Variants in ESRP1 observed in about 807,000 individuals in gnomAD.
ESRP1 encodes epithelial splicing regulatory protein 1.
In ESRP1, 33 loss-of-function variants were observed where a neutral mutation model predicts 81.7. That is an observed-to-expected ratio of 0.40 (90% CI 0.31 to 0.54). The LOEUF (loss-of-function observed/expected upper bound fraction) is 0.54, where lower values mean the gene tolerates loss of function less well. Among genes scored for constraint, ESRP1 ranks in the 20% least tolerant of loss-of-function variants. The pLI is 0.41. For synonymous variants in ESRP1, 320 were observed against 303.3 expected (o/e 1.06, Z -0.57); for missense variants, 672 against 833.1 (o/e 0.81, Z 2.38).
rs926215092 is a variant in ESRP1 at position 94,706,749 on chromosome 8, A to G, written c.*860A>G. Reference sequence around the variant, plus strand: ...TTTGGACTTTAATAAGAGAAATTCCATAGTTTTTAATATCCCAGAAGTGAG... The same window carrying G: ...TTTGGACTTTAATAAGAGAAATTCCGTAGTTTTTAATATCCCAGAAGTGAG... On this transcript the variant is annotated 3_prime_UTR_variant, in exon 16 of 16. Transcript: ENST00000433389. 2 of 152,500 alleles carry G rather than the reference A, an allele frequency of 1.3e-5. No individual in the cohort carries two copies. Among genetic ancestry groups the G allele is most frequent in the African/African-American group, 2.4e-5 (1 of 41,576 alleles). 9.4% of individuals were successfully genotyped at this position (152,500 alleles called of 1,614,324 possible).
chr8:94,655,662 T>C (rs1017266371), intron 4 of ESRP1, among the ~76,000 whole-genome samples: 8 of 151,888 alleles, frequency 5.3e-5, no homozygotes, highest in African/African-American at 1.7e-4. Flanking sequence ...GAGGCTCAGG[T>C]GGGCAGATCA....
rs1318853681 is a variant in ESRP1 at position 94,690,297 on chromosome 8, TTTTTTTTG to T, written c.1821-2379_1821-2372del. Among the ~76,000 whole-genome samples the T allele has an allele frequency of 7.1e-3, 738 of 103,934 alleles. 4 individuals are homozygous for T. The highest frequency in any genetic ancestry group is 0.025 in the African/African-American group (685 of 27,264). The allele number at this position is 103,934 out of a possible 152,430, so 68.2% of individuals were successfully genotyped here. A position where few individuals can be genotyped will look rare whatever the true frequency, so the allele number is the denominator to read the frequency against. On this transcript the variant is annotated intron_variant, in intron 13 of 15. Coordinates refer to ENST00000433389, the MANE Select transcript of ESRP1 (RefSeq NM_017697.4). ...GCTAATTTTTTTTTTTTTTTTTTTT[TTTTTTTTG>T]GATTTTTAGTGGAGATGGGATTTCA...
chr8:94,643,713 A>G (rs112913889), intron 3 of ESRP1, among the ~76,000 whole-genome samples: 5 of 150,240 alleles, frequency 3.3e-5, no homozygotes, highest in African/African-American at 1.2e-4. Flanking sequence ...GACTTAAAAT[A>G]GTCTCTTTGT....
At chr8:94,647,964 G>A (rs1398480805) in intron 4 of ESRP1, among the ~76,000 whole-genome samples, 3 of 151,996 alleles carry the variant, frequency 2.0e-5, no homozygotes, top group African/African-American at 2.4e-5. Flanking sequence ...GCATTATTGC[G>A]AGAACCCATC....
chr8:94,693,380 T>C (rs955000121), intron 14 of ESRP1, among the ~76,000 whole-genome samples: 2 of 152,232 alleles, frequency 1.3e-5, no homozygotes, highest in African/African-American at 4.8e-5. Flanking sequence ...GACTAATGTT[T>C]GCTCTTGGCA....
chr8:94,706,167 G>A lies in ESRP1; in HGVS notation c.*278G>A. On this transcript the variant is annotated 3_prime_UTR_variant, in exon 16 of 16. Transcript: ENST00000433389. Reference sequence around the variant, plus strand: ...CTGATTGCAAATAGGCATTTAAAATGTGAATTTGGAATCAGATGTCTCCAT... The same window carrying A: ...CTGATTGCAAATAGGCATTTAAAATATGAATTTGGAATCAGATGTCTCCAT... The A allele has an allele frequency of 5.9e-6, 3 of 510,468 alleles. No homozygotes were observed. Among genetic ancestry groups the A allele is most frequent in the Non-Finnish European group, 1.0e-5 (3 of 290,950 alleles). 31.6% of individuals were successfully genotyped at this position (510,468 alleles called of 1,614,324 possible).
At chr8:94,704,015 CA>C (rs1402967866) in intron 15 of ESRP1, among the ~76,000 whole-genome samples, 1 of 152,184 alleles carries the variant, frequency 6.6e-6, no homozygotes, top group African/African-American at 2.4e-5. Context: ...AACTGAGTGC[CA>C]AATTGTGGTC....
chr8:94,657,603 G>A (rs868182417), intron 4 of ESRP1, among the ~76,000 whole-genome samples: 3 of 151,996 alleles, frequency 2.0e-5, no homozygotes, highest in African/African-American at 7.3e-5. Flanking sequence ...CCTGGTGTGC[G>A]ATGGCTCAAA....
chr8:94,683,660 A>C (rs1809017830), intron 13 of ESRP1, among the ~76,000 whole-genome samples: 1 of 152,236 alleles, frequency 6.6e-6, no homozygotes, highest in African/African-American at 2.4e-5. Flanking sequence ...CATCCAATGA[A>C]ATGATGCTAG....
rs1357463627 is a variant in ESRP1, at chr8:94,671,446, A to G, written c.1234-7A>G. ...TCTAAATTACTTCTGTTTTGCTTTG[A>G]GTACAGGTGCTGAATCGATTCTCCT... On this transcript the variant is annotated splice_polypyrimidine_tract_variant and splice_region_variant and intron_variant, in intron 10 of 15. Coordinates refer to ENST00000433389, the MANE Select transcript of ESRP1 (RefSeq NM_017697.4). The G allele has an allele frequency of 3.1e-6, 5 of 1,609,482 alleles. No individual in the cohort carries two copies. Among genetic ancestry groups the G allele is most frequent in the Non-Finnish European group, 4.2e-6 (5 of 1,177,434 alleles).
At chr8:94,676,825 C>A (rs544052794) in intron 12 of ESRP1, among the ~76,000 whole-genome samples, 1 of 151,438 alleles carries the variant, frequency 6.6e-6, no homozygotes, top group African/African-American at 2.4e-5. Flanking sequence ...TGGTGTGAGG[C>A]ACTGTCCTGT....
chr8:94,652,153 A>T (rs1818175044), intron 4 of ESRP1, among the ~76,000 whole-genome samples: 1 of 150,884 alleles, frequency 6.6e-6, no homozygotes, highest in Admixed American at 6.6e-5. Flanking sequence ...ATGCCCAGCT[A>T]ATTTTTGTAT....
chr8:94,667,397 C>T (rs1819081734), intron 9 of ESRP1, among the ~76,000 whole-genome samples: 1 of 148,846 alleles, frequency 6.7e-6, no homozygotes, highest in Non-Finnish European at 1.5e-5. Flanking sequence ...ATTCATTATA[C>T]TATTCTTTTT....
chr8:94,702,039 C>T (rs757518210), intron 15 of ESRP1, among the ~76,000 whole-genome samples: 2 of 152,208 alleles, frequency 1.3e-5, no homozygotes, highest in Non-Finnish European at 2.9e-5. Context: ...CATCGTGCCA[C>T]TGCCCTCCAG....
At chr8:94,685,768 G>A (rs987016289) in intron 13 of ESRP1, among the ~76,000 whole-genome samples, 1 of 150,202 alleles carries the variant, frequency 6.7e-6, no homozygotes, top group Non-Finnish European at 1.5e-5. Flanking sequence ...TCCAGCCGGG[G>A]TGACAGGGAG....
At chr8:94,663,638 ACT>A (rs1488818063) in intron 6 of ESRP1, among the ~76,000 whole-genome samples, 1 of 152,102 alleles carries the variant, frequency 6.6e-6, no homozygotes, top group Non-Finnish European at 1.5e-5. Context: ...TTTGTAAATC[ACT>A]CTAATGAATT....
intron 3 of ESRP1, among the ~76,000 whole-genome samples, chr8:94,645,038 A>G (rs1387550691): frequency 6.6e-6 from 1 of 152,178 alleles, no homozygotes; most frequent in East Asian, 1.9e-4. Context: ...AAATGGACAC[A>G]ACAATTTAAA....
At chr8:94,675,598 C>T (rs1286759108) in intron 12 of ESRP1, among the ~76,000 whole-genome samples, 1 of 152,144 alleles carries the variant, frequency 6.6e-6, no homozygotes, top group East Asian at 1.9e-4. Context: ...AGAGATCTTA[C>T]AGTAATCTCA....
chr8:94,704,077 T>G (rs1453885505), intron 15 of ESRP1, among the ~76,000 whole-genome samples: 1 of 152,160 alleles, frequency 6.6e-6, no homozygotes, highest in Non-Finnish European at 1.5e-5. Flanking sequence ...TTTCCATGTT[T>G]TTTAAATACC....
Sources: allele counts gnomAD v4.1 joint callset (sites outside exome capture counted in the v4.1 genomes callset), GRCh38; gene constraint gnomAD v4.1.1; transcripts MANE v1.5; gene names NCBI Gene and HGNC (gene_info 2026-07-23, HGNC 2026-07-21).